The following PPP2R2B variants were observed in gnomAD, a reference collection of about 807,000 sequenced individuals.
PPP2R2B encodes the protein protein phosphatase 2 regulatory subunit Bbeta, also known as serine/threonine-protein phosphatase 2A 55 kDa regulatory subunit B beta isoform.
A neutral mutation model predicts 46.0 loss-of-function variants in PPP2R2B; 5 were observed. The ratio of observed to expected loss-of-function variants is 0.11; its 90% CI spans 0.06 to 0.23. PPP2R2B has a LOEUF of 0.23. Ranked by LOEUF, PPP2R2B falls within the 10% of genes least tolerant of loss-of-function variation. The pLI is 1.00. For synonymous variants in PPP2R2B, 215 were observed against 206.7 expected, an observed-to-expected ratio of 1.04 and a Z score of -0.34; for missense variants, 367 against 575.0, an observed-to-expected ratio of 0.64 and a Z score of 3.70.
intron 2 of PPP2R2B, among the ~76,000 whole-genome samples, chr5:146,821,990 C>T (rs1198707512): frequency 6.6e-6 from 1 of 152,166 alleles, no homozygotes; most frequent in African/African-American, 2.4e-5. Context: ...GAATCCGTGG[C>T]CCAAGTAAGA....
intron 1 of PPP2R2B, chr5:147,054,609 A>T: frequency 6.6e-6 from 3 of 456,220 alleles, no homozygotes; most frequent in South Asian, 4.6e-5. Context: ...TTATGATATA[A>T]TACAAGCTTC....
At chr5:146,782,381 T>C (rs1474950378) in intron 2 of PPP2R2B, among the ~76,000 whole-genome samples, 1 of 152,204 alleles carries the variant, frequency 6.6e-6, no homozygotes, top group Non-Finnish European at 1.5e-5. Flanking sequence ...ATTTAGAATA[T>C]GCCAGTTTCT....
chr5:146,786,748 G>T (rs1755864745), intron 2 of PPP2R2B, among the ~76,000 whole-genome samples: 1 of 152,140 alleles, frequency 6.6e-6, no homozygotes, highest in Non-Finnish European at 1.5e-5. Context: ...AAAAAATGAA[G>T]ACACATTTGG....
intron 1 of PPP2R2B, among the ~76,000 whole-genome samples, chr5:146,892,838 T>G (rs1489053346): frequency 6.6e-6 from 1 of 152,196 alleles, no homozygotes; most frequent in Non-Finnish European, 1.5e-5. Flanking sequence ...AATCAGAATT[T>G]TTCATATTAA....
At chr5:146,655,801 C>A (rs908759597) in intron 5 of PPP2R2B, among the ~76,000 whole-genome samples, 1 of 150,104 alleles carries the variant, frequency 6.7e-6, no homozygotes. Flanking sequence ...CCGTATGAAC[C>A]AAACGGGTCC....
intron 5 of PPP2R2B, among the ~76,000 whole-genome samples, chr5:146,659,387 G>C (rs1255861723): frequency 6.6e-6 from 1 of 152,158 alleles, no homozygotes; most frequent in African/African-American, 2.4e-5. Context: ...CAATTTGAAT[G>C]GTATAAGAGG....
chr5:146,845,315 T>TTTTTTTTTTTTTTTTG (rs1759924138), intron 2 of PPP2R2B, among the ~76,000 whole-genome samples: 4 of 125,506 alleles, frequency 3.2e-5, no homozygotes, highest in Non-Finnish European at 6.9e-5. Context: ...CTTTTTTTTG[T>TTTTTTTTTTTTTTTTG]TTTTTTTTGA....
At chr5:147,007,109 C>T (rs1754474590) in intron 1 of PPP2R2B, among the ~76,000 whole-genome samples, 1 of 152,136 alleles carries the variant, frequency 6.6e-6, no homozygotes, top group South Asian at 2.1e-4. Flanking sequence ...GTGAGCTCAA[C>T]TAACAACTAC....
At chr5:146,923,505 T>C (rs143671187) in intron 1 of PPP2R2B, among the ~76,000 whole-genome samples, 194 of 152,340 alleles carry the variant, frequency 1.3e-3, no homozygotes, top group Non-Finnish European at 2.3e-3. Flanking sequence ...CATTGCACCA[T>C]TGGCATTCCT....
intron 2 of PPP2R2B, among the ~76,000 whole-genome samples, chr5:146,704,356 C>T (rs1228289763): frequency 2.6e-5 from 4 of 152,272 alleles, no homozygotes; most frequent in Non-Finnish European, 4.4e-5. Context: ...GAGATAATAA[C>T]GTCATTTGAA....
At chr5:146,710,929 T>C (rs1021625681) in intron 2 of PPP2R2B, among the ~76,000 whole-genome samples, 1 of 152,238 alleles carries the variant, frequency 6.6e-6, no homozygotes, top group African/African-American at 2.4e-5. Flanking sequence ...TAAGACATGG[T>C]ATCCACTTTG....
chr5:146,860,880 C>T (rs319237), intron 2 of PPP2R2B, among the ~76,000 whole-genome samples: 74,262 of 151,628 alleles, frequency 0.49, 19,986 homozygotes, highest in East Asian at 0.72. Flanking sequence ...GCTTTCTTGT[C>T]GCAGCCAAGA....
intron 2 of PPP2R2B, among the ~76,000 whole-genome samples, chr5:146,796,669 G>A (rs1582124585): frequency 6.6e-6 from 1 of 152,128 alleles, no homozygotes; most frequent in Non-Finnish European, 1.5e-5. Flanking sequence ...TACAATTTGG[G>A]AAGTCCTATT....
chr5:146,793,503 C>A (rs1015723649), intron 2 of PPP2R2B, among the ~76,000 whole-genome samples: 1 of 151,940 alleles, frequency 6.6e-6, no homozygotes, highest in Non-Finnish European at 1.5e-5. Context: ...TTATTTAATC[C>A]CTATAACCTT....
intron 2 of PPP2R2B, among the ~76,000 whole-genome samples, chr5:147,065,527 G>T (rs1291767507): frequency 2.0e-5 from 3 of 152,094 alleles, no homozygotes; most frequent in Non-Finnish European, 4.4e-5. Context: ...ACAGTGTGAA[G>T]AATAGACTGG....
rs149509567 is a variant in PPP2R2B at position 146,860,099 on chromosome 5, G to A, written c.70+17903C>T. 2.7e-3 allele frequency among the ~76,000 whole-genome samples: 406 copies of A among 152,234 alleles called. 2 individuals are homozygous for A. The highest frequency in any genetic ancestry group is 9.3e-3 in the African/African-American group (387 of 41,550). On this transcript the variant is annotated intron_variant, in intron 2 of 9. Coordinates refer to ENST00000394411, the MANE Select transcript of PPP2R2B (RefSeq NM_181675.4). ...TCTTGGACTATGGTTTCCTCTCAAG[G>A]TATCTAGCAGATTAAAATTGCTTTG...
intron 2 of PPP2R2B, among the ~76,000 whole-genome samples, chr5:147,071,698 C>T (rs569905837): frequency 1.3e-5 from 2 of 152,192 alleles, no homozygotes; most frequent in Non-Finnish European, 2.9e-5. Context: ...AAGTCTTGAC[C>T]ATCCTATTTA....
chr5:146,680,403 G>C (rs977021427), intron 5 of PPP2R2B, among the ~76,000 whole-genome samples: 1 of 140,836 alleles, frequency 7.1e-6, no homozygotes, highest in African/African-American at 3.0e-5. Flanking sequence ...TGTGGGGTGG[G>C]GTGGGGAGGG....
chr5:146,702,056 T>TAAAAAAAAATAAAAAAAAAA (rs1779573120), intron 2 of PPP2R2B, among the ~76,000 whole-genome samples: 1 of 129,992 alleles, frequency 7.7e-6, no homozygotes. Flanking sequence ...GCAAATGAGT[T>TAAAAAAAAATAAAAAAAAAA]AAAAAAAAAA....
Sources: gnomAD v4.1 joint callset for allele counts (sites outside exome capture counted in the v4.1 genomes callset) on GRCh38, gnomAD v4.1.1 for gene constraint, MANE v1.5 for transcripts, NCBI Gene and HGNC (gene_info 2026-07-23, HGNC 2026-07-21) for gene names.